The following ZBTB34 variants were observed in gnomAD, a reference collection of about 807,000 sequenced individuals.
The protein encoded by ZBTB34 is zinc finger and BTB domain containing 34.
In ZBTB34, 1 loss-of-function variant was observed where a neutral mutation model predicts 33.4. The observed-to-expected ratio is 0.03, with a 90% CI of 0.01 to 0.14. The LOEUF is 0.14. ZBTB34 is among the 10% of genes least tolerant of loss of function. The pLI is 1.00. For synonymous variants in ZBTB34, 283 were observed against 253.5 expected (o/e 1.12, Z -1.11); for missense variants, 406 against 657.2 (o/e 0.62, Z 4.18).
intron 1 of ZBTB34, among the ~76,000 whole-genome samples, chr9:126,864,861 C>T (rs1176595048): frequency 6.6e-6 from 1 of 152,136 alleles, no homozygotes; most frequent in African/African-American, 2.4e-5. Flanking sequence ...GTGCTTCAGT[C>T]TGTGGTCTTT....
At chr9:126,867,441 A>ATTTTTCTTTTTTTTTTTTTTT (rs2033220266) in intron 1 of ZBTB34, among the ~76,000 whole-genome samples, 1 of 102,620 alleles carries the variant, frequency 9.7e-6, no homozygotes, top group Non-Finnish European at 2.1e-5. Context: ...TTTTTTTGTC[A>ATTTTTCTTTTTTTTTTTTTTT]TTTTTCTTTT....
In ZBTB34 at chr9:126,880,020, G is replaced by A. The variant is rs766333009; in HGVS notation, c.621G>A (p.Gly207=). 1.9e-6 allele frequency: 3 copies of A among 1,613,658 alleles called. No homozygotes were observed. Among genetic ancestry groups the A allele is most frequent in the Admixed American group, 1.7e-5 (1 of 60,012 alleles). ...AGGAGGAGGGGCACTCAGACCGCGG[G>A]AGCAGTGGGAGCGTTTCTGAATATG... The change falls in exon 2 of 2, where the codon GGG becomes GGA. Residue 207 remains glycine, a synonymous_variant. Coordinates refer to ENST00000319119, the Ensembl canonical transcript of ZBTB34. This position sits in a 1 kb window ranked among gnomAD's most constrained non-coding sequence, Gnocchi z 6.7.
intron 1 of ZBTB34, among the ~76,000 whole-genome samples, chr9:126,877,322 T>C (rs1421950209): frequency 6.6e-6 from 1 of 152,216 alleles, no homozygotes; most frequent in Non-Finnish European, 1.5e-5. Flanking sequence ...CACATATCTG[T>C]CCATCTCTTT....
intron 1 of ZBTB34, among the ~76,000 whole-genome samples, chr9:126,878,624 C>G (rs565920043): frequency 6.6e-6 from 1 of 152,048 alleles, no homozygotes; most frequent in Non-Finnish European, 1.5e-5. Context: ...GGGTTTAGCT[C>G]CATTTATTGT....
At chr9:126,884,244 T>A (rs1230897681) in exon 2 of ZBTB34, 1 of 167,074 alleles carries the variant, frequency 6.0e-6, no homozygotes, top group Non-Finnish European at 1.5e-5. Context: ...TATTACAAAC[T>A]GTGAAGACAA....
At position 126,879,757 on chromosome 9, in the gene ZBTB34, G is replaced by A; in HGVS notation, c.358G>A (p.Asp120Asn). The A allele has an allele frequency of 6.2e-7, 1 of 1,613,486 alleles. No individual in the cohort carries two copies. The highest frequency in any genetic ancestry group is 8.5e-7 in the Non-Finnish European group (1 of 1,179,890). ...CTTTCTTCAGATGCAGTGTGTCATT[G>A]ACAAGTGCACGCAGATCCTAGAGAG... The change falls in exon 2 of 2, where the codon GAC becomes AAC. Residue 120 changes from aspartate (D) to asparagine (N), a missense_variant. Coordinates refer to ENST00000319119, the Ensembl canonical transcript of ZBTB34. The surrounding 1 kb of genome is among the most constrained non-coding windows in gnomAD (Gnocchi z 6.4).
At position 126,881,000 on chromosome 9, in the gene ZBTB34, C is replaced by A; in HGVS notation, c.*86C>A. 7.1e-7 allele frequency: 1 copy of A among 1,408,864 alleles called. No individual in the cohort carries two copies. The highest frequency in any genetic ancestry group is 9.5e-7 in the Non-Finnish European group (1 of 1,050,934). The allele number at this position is 1,408,864 out of a possible 1,614,324, so 87.3% of individuals were successfully genotyped here. ...TGTTGTAATCTTTGGTTTTCCCAAC[C>A]ATCTGGAAATCTCTTGGTCTCTTGG... On this transcript the variant is annotated 3_prime_UTR_variant, in exon 2 of 2. Transcript: ENST00000319119. This position sits in a 1 kb window ranked among gnomAD's most constrained non-coding sequence, Gnocchi z 6.7.
At chr9:126,883,138 T>G (rs2033467230) in exon 2 of ZBTB34, 1 of 166,442 alleles carries the variant, frequency 6.0e-6, no homozygotes, top group African/African-American at 2.4e-5. Flanking sequence ...AAATATGTTC[T>G]GGGGTTTCAG....
At chr9:126,875,938 T>C (rs550226410) in intron 1 of ZBTB34, among the ~76,000 whole-genome samples, 1 of 151,962 alleles carries the variant, frequency 6.6e-6, no homozygotes, top group East Asian at 2.0e-4. Flanking sequence ...GGAATATTAA[T>C]ATGTGTACCT....
chr9:126,885,685 C>CA (rs1350002155), exon 2 of ZBTB34: 1 of 167,008 alleles, frequency 6.0e-6, no homozygotes, highest in Non-Finnish European at 1.5e-5. Context: ...TATTTTATAG[C>CA]ATGAATTTAA....
chr9:126,865,173 C>T (rs2033184320), intron 1 of ZBTB34, among the ~76,000 whole-genome samples: 1 of 152,236 alleles, frequency 6.6e-6, no homozygotes, highest in Non-Finnish European at 1.5e-5. Context: ...GAATAAGCCA[C>T]CGTGCTAGAT....
intron 1 of ZBTB34, among the ~76,000 whole-genome samples, chr9:126,874,893 A>G (rs140031088): frequency 1.9e-3 from 289 of 152,288 alleles, no homozygotes; most frequent in African/African-American, 6.1e-3. Flanking sequence ...GAAAGATCTC[A>G]TAGCTTTTAT....
exon 2 of ZBTB34, chr9:126,882,327 A>G (rs1390741134): frequency 1.2e-5 from 2 of 167,266 alleles, no homozygotes; most frequent in Non-Finnish European, 2.9e-5. Context: ...ATAATGAATT[A>G]TAATTGTTTT....
chr9:126,864,100 C>G (rs768186803), intron 1 of ZBTB34, among the ~76,000 whole-genome samples: 1 of 152,124 alleles, frequency 6.6e-6, no homozygotes, highest in Non-Finnish European at 1.5e-5. Context: ...GAATCCAGCA[C>G]CAATAAAAAT....
intron 1 of ZBTB34, among the ~76,000 whole-genome samples, chr9:126,862,885 A>C (rs187710531): frequency 2.0e-5 from 3 of 148,838 alleles, no homozygotes; most frequent in African/African-American, 7.4e-5. Flanking sequence ...TTTGTTGGTA[A>C]ACAACTTTTT....
At chr9:126,881,557 G>A (rs1179412979) in exon 2 of ZBTB34, 2 of 166,910 alleles carry the variant, frequency 1.2e-5, no homozygotes, top group Non-Finnish European at 2.9e-5. Flanking sequence ...AAGAATGTTA[G>A]TAGGTTTATA....
intron 1 of ZBTB34, among the ~76,000 whole-genome samples, chr9:126,872,326 A>T (rs1020530949): frequency 3.3e-5 from 5 of 152,136 alleles, no homozygotes; most frequent in African/African-American, 1.2e-4. Flanking sequence ...TATAGGGAGG[A>T]TAGCTTGGGC....
In ZBTB34 at chr9:126,879,376, C is replaced by G; in HGVS notation, c.-10-14C>G. 2.5e-6 allele frequency: 4 copies of G among 1,577,446 alleles called. No homozygotes were observed. Among genetic ancestry groups the G allele is most frequent in the South Asian group, 1.2e-5 (1 of 85,312 alleles). ...GAGTCATTGGTGAATGATGCAAACTCTCTCTCTCCGCAGAGTACGCTTCAT... is the reference window on the plus strand; with the variant it reads ...GAGTCATTGGTGAATGATGCAAACTGTCTCTCTCCGCAGAGTACGCTTCAT... On this transcript the variant is annotated splice_polypyrimidine_tract_variant and intron_variant, in intron 1 of 1. Coordinates refer to ENST00000319119, the Ensembl canonical transcript of ZBTB34. The surrounding 1 kb of genome is among the most constrained non-coding windows in gnomAD (Gnocchi z 6.4).
At chr9:126,868,855 A>G (rs2033242105) in intron 1 of ZBTB34, among the ~76,000 whole-genome samples, 3 of 152,184 alleles carry the variant, frequency 2.0e-5, no homozygotes, top group Non-Finnish European at 4.4e-5. Context: ...AGGCTTTCGC[A>G]TGTAAAGATA....
Sources: allele counts gnomAD v4.1 joint callset (sites outside exome capture counted in the v4.1 genomes callset), GRCh38; gene constraint gnomAD v4.1.1; non-coding constraint Gnocchi (gnomAD v3.1); transcripts MANE v1.5; gene names NCBI Gene and HGNC (gene_info 2026-07-23, HGNC 2026-07-21).